Variants in AUH observed in about 807,000 individuals in gnomAD.
AUH encodes AU RNA binding methylglutaconyl-CoA hydratase, also known as methylglutaconyl-CoA hydratase, mitochondrial.
A neutral mutation model predicts 42.3 loss-of-function variants in AUH; 29 were observed. The observed-to-expected ratio is 0.69, with a 90% CI of 0.51 to 0.93. AUH has a LOEUF of 0.93. Among genes scored for constraint, AUH ranks in the 40% least tolerant of loss-of-function variants. AUH has a pLI of 0.00. For missense variants in AUH, 452 were observed against 438.1 expected (o/e 1.03, Z -0.28); for synonymous variants, 174 against 166.4 (o/e 1.05, Z -0.35).
rs963115123 is a variant in AUH, at chr9:91,359,468, C to CT, written c.262+2159dup. Among the ~76,000 whole-genome samples the CT allele has an allele frequency of 3.5e-3, 520 of 150,654 alleles. 5 individuals are homozygous for CT. The highest frequency in any genetic ancestry group is 0.012 in the African/African-American group (503 of 41,058). ...ACATAAATAGGTTCATACATTTTTT[C>CT]TTTTTTTTTAAGAGACAAGGTCTTG... On this transcript the variant is annotated intron_variant, in intron 1 of 9. Coordinates refer to ENST00000375731, the MANE Select transcript of AUH (RefSeq NM_001698.3).
At chr9:91,292,087 T>G (rs1454457527) in intron 6 of AUH, among the ~76,000 whole-genome samples, 1 of 152,148 alleles carries the variant, frequency 6.6e-6, no homozygotes, top group African/African-American at 2.4e-5. Flanking sequence ...GATGCAAGAT[T>G]TCATTATCAA....
intron 6 of AUH, among the ~76,000 whole-genome samples, chr9:91,276,630 C>T (rs1825566370): frequency 1.3e-5 from 2 of 152,052 alleles, no homozygotes; most frequent in Admixed American, 1.3e-4. Context: ...AGCGCCACAT[C>T]TAAAGAAAAA....
At chr9:91,229,993 T>C (rs539769058) in intron 6 of AUH, among the ~76,000 whole-genome samples, 1 of 152,082 alleles carries the variant, frequency 6.6e-6, no homozygotes, top group East Asian at 1.9e-4. Context: ...CTTAACATTT[T>C]TTCCTTCATT....
intron 3 of AUH, among the ~76,000 whole-genome samples, chr9:91,344,795 C>T (rs531119101): frequency 3.9e-5 from 6 of 152,126 alleles, no homozygotes; most frequent in African/African-American, 1.2e-4. Context: ...AACCAATTTC[C>T]CTTATGAAAA....
intron 3 of AUH, among the ~76,000 whole-genome samples, chr9:91,336,701 A>G (rs1389942675): frequency 6.6e-6 from 1 of 151,850 alleles, no homozygotes; most frequent in Admixed American, 6.6e-5. Context: ...AAAAAAAAAA[A>G]GAAAGAAAAA....
At chr9:91,315,791 G>A (rs891964549) in intron 4 of AUH, among the ~76,000 whole-genome samples, 5 of 152,062 alleles carry the variant, frequency 3.3e-5, no homozygotes, top group Admixed American at 2.0e-4. Flanking sequence ...ACACCTGTCT[G>A]CCACCGAGCT....
At chr9:91,336,674 G>T (rs1360134686) in intron 3 of AUH, among the ~76,000 whole-genome samples, 1 of 148,568 alleles carries the variant, frequency 6.7e-6, no homozygotes, top group Non-Finnish European at 1.5e-5. Flanking sequence ...ACACAGACTC[G>T]GTCTCCAGAA....
At position 91,275,075 on chromosome 9, in the gene AUH, C is replaced by T. The variant is rs140528726; in HGVS notation, c.655+20946G>A. Among the ~76,000 whole-genome samples, 60 of 152,314 alleles carry T rather than the reference C, an allele frequency of 3.9e-4. 1 individual carries two copies. Among genetic ancestry groups the T allele is most frequent in the African/African-American group, 1.4e-3 (57 of 41,560 alleles). ...AGTAACAATGATGACTAGTACAACA[C>T]ACACTGGGTGGTGATCTACCAGAAC... On this transcript the variant is annotated intron_variant, in intron 6 of 9. Coordinates refer to ENST00000375731, the MANE Select transcript of AUH (RefSeq NM_001698.3).
intron 3 of AUH, among the ~76,000 whole-genome samples, chr9:91,354,717 T>G (rs1832274549): frequency 1.3e-5 from 2 of 152,130 alleles, no homozygotes; most frequent in Admixed American, 6.5e-5. Flanking sequence ...TTGATATCAC[T>G]CCTCAAAAAT....
intron 6 of AUH, among the ~76,000 whole-genome samples, chr9:91,271,028 A>C (rs552524579): frequency 1.2e-3 from 190 of 152,326 alleles, no homozygotes; most frequent in African/African-American, 4.4e-3. Context: ...GGGAAGATAT[A>C]TAAATTTTTA....
At chr9:91,313,072 G>C (rs1202073595) in intron 4 of AUH, among the ~76,000 whole-genome samples, 4 of 152,152 alleles carry the variant, frequency 2.6e-5, no homozygotes, top group Admixed American at 1.3e-4. Flanking sequence ...GGCTTTGCGG[G>C]GGGGGTTGTT....
At chr9:91,262,884 T>C (rs910618998) in intron 6 of AUH, among the ~76,000 whole-genome samples, 2 of 152,018 alleles carry the variant, frequency 1.3e-5, no homozygotes, top group African/African-American at 4.8e-5. Flanking sequence ...ATAGTAGAAA[T>C]TTGCTTGGGG....
intron 4 of AUH, 123 bp downstream of exon 4, chr9:91,325,195 A>T: frequency 1.3e-6 from 1 of 747,518 alleles, no homozygotes; most frequent in Non-Finnish European, 2.3e-6. Context: ...TTAAACAGCT[A>T]TAGGTCATGA....
At chr9:91,256,323 C>T (rs1388047757) in intron 6 of AUH, among the ~76,000 whole-genome samples, 1 of 152,056 alleles carries the variant, frequency 6.6e-6, no homozygotes. Context: ...TGACCTGCTA[C>T]CCACAATCTG....
intron 6 of AUH, among the ~76,000 whole-genome samples, chr9:91,279,106 C>T (rs972858365): frequency 6.6e-6 from 1 of 151,814 alleles, no homozygotes; most frequent in Non-Finnish European, 1.5e-5. Flanking sequence ...GTTTATTGTA[C>T]ATCAATTATA....
chr9:91,335,942 C>T (rs1749512785), intron 3 of AUH, among the ~76,000 whole-genome samples: 1 of 152,094 alleles, frequency 6.6e-6, no homozygotes, highest in South Asian at 2.1e-4. Context: ...TCCATGTGTG[C>T]CTGAAACGAA....
At chr9:91,250,513 T>C (rs1252844480) in intron 6 of AUH, among the ~76,000 whole-genome samples, 1 of 152,218 alleles carries the variant, frequency 6.6e-6, no homozygotes, top group Non-Finnish European at 1.5e-5. Context: ...AGCTGCCAGA[T>C]GTGTGACCTA....
At chr9:91,303,859 T>C (rs898028892) in intron 4 of AUH, among the ~76,000 whole-genome samples, 1 of 152,182 alleles carries the variant, frequency 6.6e-6, no homozygotes, top group Admixed American at 6.5e-5. Context: ...TATTCTCCCA[T>C]TCCCATCACT....
intron 6 of AUH, among the ~76,000 whole-genome samples, chr9:91,225,353 T>C (rs1827380059): frequency 6.6e-6 from 1 of 152,206 alleles, no homozygotes; most frequent in Non-Finnish European, 1.5e-5. Flanking sequence ...ATTACTTCAG[T>C]TCACCTTTTC....
Sources: gnomAD v4.1 joint callset for allele counts (sites outside exome capture counted in the v4.1 genomes callset) on GRCh38, gnomAD v4.1.1 for gene constraint, MANE v1.5 for transcripts, NCBI Gene and HGNC (gene_info 2026-07-23, HGNC 2026-07-21) for gene names.